The following GRM1 variants were observed in gnomAD, a reference collection of about 807,000 sequenced individuals.
The protein encoded by GRM1 is glutamate metabotropic receptor 1, also known as metabotropic glutamate receptor 1.
GRM1 carries 33 observed loss-of-function variants against 90.9 expected under a neutral mutation model. The observed-to-expected ratio is 0.36, with a 90% CI of 0.28 to 0.49. The LOEUF is 0.49. Ranked by LOEUF, GRM1 falls within the 20% of genes least tolerant of loss-of-function variation. The pLI is 0.99. For missense variants in GRM1, 1,190 were observed against 1,534.3 expected, an observed-to-expected ratio of 0.78 and a Z score of 3.75; for synonymous variants, 700 against 613.2, an observed-to-expected ratio of 1.14 and a Z score of -2.09.
intron 2 of GRM1, among the ~76,000 whole-genome samples, chr6:146,267,037 C>A: frequency 6.6e-6 from 1 of 152,180 alleles, no homozygotes; most frequent in East Asian, 1.9e-4. Context: ...CTGATGCTCT[C>A]CCTCCCCCTA....
At chr6:146,053,337 A>G (rs1011195602) in intron 1 of GRM1, among the ~76,000 whole-genome samples, 2 of 152,090 alleles carry the variant, frequency 1.3e-5, no homozygotes, top group Non-Finnish European at 2.9e-5. Flanking sequence ...GCTTGGTCAT[A>G]ATATATTTTT....
At chr6:146,167,929 T>C (rs191856873) in intron 2 of GRM1, among the ~76,000 whole-genome samples, 19 of 152,214 alleles carry the variant, frequency 1.2e-4, no homozygotes, top group Non-Finnish European at 1.3e-4. Context: ...GTTTATATTC[T>C]TTGTGTTCTA....
intron 5 of GRM1, 128 bp downstream of exon 5, chr6:146,357,822 G>T: frequency 1.7e-5 from 13 of 752,548 alleles, no homozygotes; most frequent in Non-Finnish European, 2.8e-5. Context: ...TTACAGTTTT[G>T]GCTCTTGAGT....
chr6:146,060,357 G>A (rs1173723290), intron 1 of GRM1, among the ~76,000 whole-genome samples: 1 of 151,928 alleles, frequency 6.6e-6, no homozygotes, highest in Admixed American at 6.6e-5. Context: ...CGGGTAATAA[G>A]GATAGTACCC....
At position 146,348,489 on chromosome 6, in the gene GRM1, G is replaced by A. The variant is rs1331616520; in HGVS notation, c.1187-3761G>A. ...TGAAGAGAGTTCTTCCTGACAGTAG[G>A]ACCCTCCTGGGTGTACAGAGCCCAG... On this transcript the variant is annotated intron_variant, in intron 3 of 7. Transcript: ENST00000282753. Among the ~76,000 whole-genome samples the A allele has an allele frequency of 3.9e-5, 6 of 152,334 alleles. No individual in the cohort carries two copies. The South Asian group carries it at 1.2e-3, about 32-fold the overall frequency.
chr6:146,047,820 T>C (rs1791389322), intron 1 of GRM1, among the ~76,000 whole-genome samples: 1 of 152,044 alleles, frequency 6.6e-6, no homozygotes, highest in African/African-American at 2.4e-5. Flanking sequence ...GGACAAATCT[T>C]AATCCAGAAG....
intron 2 of GRM1, chr6:146,171,481 G>A (rs1778124094): frequency 5.6e-6 from 1 of 177,536 alleles, no homozygotes; most frequent in South Asian, 1.4e-4. Context: ...GGGGGAATAA[G>A]ATGTTTGGAC....
chr6:146,281,363 T>C (rs1782561928), intron 2 of GRM1, among the ~76,000 whole-genome samples: 1 of 152,208 alleles, frequency 6.6e-6, no homozygotes, highest in African/African-American at 2.4e-5. Flanking sequence ...TTCTAACCCT[T>C]AGTAAGCAAG....
intron 2 of GRM1, among the ~76,000 whole-genome samples, chr6:146,186,311 A>G (rs1013595732): frequency 6.6e-6 from 1 of 151,878 alleles, no homozygotes; most frequent in African/African-American, 2.4e-5. Flanking sequence ...AATTGCCTCT[A>G]AGACTGATTT....
intron 2 of GRM1, among the ~76,000 whole-genome samples, chr6:146,162,661 A>G (rs1777772419): frequency 6.6e-6 from 1 of 152,182 alleles, no homozygotes; most frequent in Non-Finnish European, 1.5e-5. Flanking sequence ...TAACAAAGTC[A>G]TTACAAAGGC....
intron 1 of GRM1, among the ~76,000 whole-genome samples, chr6:146,123,068 C>A (rs1488385626): frequency 6.6e-6 from 1 of 152,018 alleles, no homozygotes; most frequent in African/African-American, 2.4e-5. Flanking sequence ...TGGTCTCCAA[C>A]TCCTGACCTC....
At chr6:146,094,009 G>T (rs1302063177) in intron 1 of GRM1, among the ~76,000 whole-genome samples, 2 of 151,996 alleles carry the variant, frequency 1.3e-5, no homozygotes, top group Non-Finnish European at 2.9e-5. Flanking sequence ...TTTGTTTAGA[G>T]GCTCAGAATT....
chr6:146,221,028 AG>A (rs1780041062), intron 2 of GRM1, among the ~76,000 whole-genome samples: 1 of 151,986 alleles, frequency 6.6e-6, no homozygotes, highest in Non-Finnish European at 1.5e-5. Flanking sequence ...TACTGAAACC[AG>A]GTAAGAGTCT....
chr6:146,048,567 A>G (rs1791417057), intron 1 of GRM1, among the ~76,000 whole-genome samples: 1 of 152,000 alleles, frequency 6.6e-6, no homozygotes, highest in African/African-American at 2.4e-5. Context: ...TGGAACCCTA[A>G]TACCTGATAT....
intron 1 of GRM1, among the ~76,000 whole-genome samples, chr6:146,071,519 T>G (rs1248429118): frequency 1.3e-5 from 2 of 152,192 alleles, no homozygotes; most frequent in Non-Finnish European, 2.9e-5. Context: ...CCTAAAATCA[T>G]GTAGGCTTGA....
intron 1 of GRM1, among the ~76,000 whole-genome samples, chr6:146,124,445 T>C (rs1366816217): frequency 6.6e-6 from 1 of 152,164 alleles, no homozygotes; most frequent in African/African-American, 2.4e-5. Context: ...CCACACACAT[T>C]ATTCTATTGA....
intron 1 of GRM1, among the ~76,000 whole-genome samples, chr6:146,093,723 A>T (rs931330507): frequency 6.6e-6 from 1 of 152,042 alleles, no homozygotes; most frequent in Non-Finnish European, 1.5e-5. Context: ...TTTCTCAAAC[A>T]TGCATATACA....
At chr6:146,291,766 A>C (rs750092261) in intron 2 of GRM1, among the ~76,000 whole-genome samples, 1 of 152,074 alleles carries the variant, frequency 6.6e-6, no homozygotes, top group Admixed American at 6.5e-5. Flanking sequence ...TTTCAATTCA[A>C]TCTTTATTAA....
chr6:146,364,552 C>G (rs1183631768), intron 5 of GRM1, among the ~76,000 whole-genome samples: 1 of 152,146 alleles, frequency 6.6e-6, no homozygotes, highest in Non-Finnish European at 1.5e-5. Flanking sequence ...TCTTTGAACA[C>G]TTTTTACATC....
Sources: gnomAD v4.1 joint callset for allele counts (sites outside exome capture counted in the v4.1 genomes callset) on GRCh38, gnomAD v4.1.1 for gene constraint, MANE v1.5 for transcripts, NCBI Gene and HGNC (gene_info 2026-07-23, HGNC 2026-07-21) for gene names.